Variants in SUGCT observed in about 807,000 individuals in gnomAD.
SUGCT encodes succinyl-CoA:glutarate-CoA transferase.
In SUGCT, 41 loss-of-function variants were observed where a neutral mutation model predicts 55.0. The observed-to-expected ratio is 0.74, with a 90% CI of 0.58 to 0.97. The LOEUF is 0.97. Among genes scored for constraint, SUGCT ranks in the 50% least tolerant of loss-of-function variants. The pLI is 0.00. For missense variants in SUGCT, 568 were observed against 547.8 expected (o/e 1.04, Z -0.37); for synonymous variants, 187 against 200.4 (o/e 0.93, Z 0.56).
At chr7:40,139,223 A>T (rs996324445) in intron 1 of SUGCT, among the ~76,000 whole-genome samples, 3 of 152,080 alleles carry the variant, frequency 2.0e-5, no homozygotes, top group Non-Finnish European at 4.4e-5. Context: ...TTTGTGACAA[A>T]GTCTTGTTCT....
the SUGCT span, among the ~76,000 whole-genome samples, chr7:41,029,673 G>A: frequency 2.0e-5 from 3 of 152,058 alleles, no homozygotes; most frequent in South Asian, 2.1e-4. Context: ...TACCTTCCCC[G>A]TCCTCTCCCC....
chr7:41,003,222 A>T, the SUGCT span, among the ~76,000 whole-genome samples: 1 of 152,166 alleles, frequency 6.6e-6, no homozygotes, highest in Non-Finnish European at 1.5e-5. Context: ...CTGTGTTGCC[A>T]TGGGAGACCA....
At chr7:40,198,368 A>G (rs1340586510) in intron 6 of SUGCT, among the ~76,000 whole-genome samples, 1 of 152,174 alleles carries the variant, frequency 6.6e-6, no homozygotes, top group Non-Finnish European at 1.5e-5. Flanking sequence ...TAATTAGGTG[A>G]CACTGAACAG....
the SUGCT span, among the ~76,000 whole-genome samples, chr7:40,881,331 A>G: frequency 3.3e-5 from 5 of 152,184 alleles, no homozygotes; most frequent in Admixed American, 2.6e-4. Context: ...TTAAAGTGGG[A>G]AGAATTCCTC....
chr7:40,859,982 C>T (rs150555942), intron 13 of SUGCT, among the ~76,000 whole-genome samples: 2 of 152,296 alleles, frequency 1.3e-5, no homozygotes, highest in Non-Finnish European at 2.9e-5. Flanking sequence ...TTCTTTCCTA[C>T]CTAGAGTTCA....
At chr7:40,596,741 C>T (rs1012546708) in intron 12 of SUGCT, among the ~76,000 whole-genome samples, 18 of 152,144 alleles carry the variant, frequency 1.2e-4, no homozygotes, top group African/African-American at 2.2e-4. Flanking sequence ...CTCTTGTATT[C>T]GTTGCCTTCC....
intron 7 of SUGCT, among the ~76,000 whole-genome samples, chr7:40,249,335 ATATATATATAT>A (rs1790177792): frequency 8.1e-6 from 1 of 124,110 alleles, no homozygotes; most frequent in African/African-American, 3.0e-5. Flanking sequence ...ATATATATAT[ATATATATATAT>A]AATTATATTA....
chr7:40,251,777 C>G (rs1270273488), intron 7 of SUGCT, among the ~76,000 whole-genome samples: 7 of 152,038 alleles, frequency 4.6e-5, no homozygotes, highest in Non-Finnish European at 8.8e-5. Context: ...GGCCTTTCTT[C>G]CCCTCAGTAT....
At chr7:40,573,879 T>G (rs918145440) in intron 12 of SUGCT, among the ~76,000 whole-genome samples, 4 of 152,228 alleles carry the variant, frequency 2.6e-5, no homozygotes, top group Non-Finnish European at 5.9e-5. Flanking sequence ...GAGAGCCTTA[T>G]TCATGTTTCT....
intron 6 of SUGCT, among the ~76,000 whole-genome samples, chr7:40,205,774 A>G (rs1472799493): frequency 1.3e-5 from 2 of 152,054 alleles, no homozygotes; most frequent in Non-Finnish European, 2.9e-5. Flanking sequence ...GTCTACTTCA[A>G]TTCCCAGATA....
At chr7:40,680,488 C>T (rs186904794) in intron 12 of SUGCT, among the ~76,000 whole-genome samples, 1 of 152,140 alleles carries the variant, frequency 6.6e-6, no homozygotes, top group African/African-American at 2.4e-5. Flanking sequence ...ATTACACACC[C>T]ACAAAAGAAG....
At chr7:40,532,506 C>T (rs1360910532) in intron 12 of SUGCT, among the ~76,000 whole-genome samples, 1 of 148,236 alleles carries the variant, frequency 6.7e-6, no homozygotes, top group African/African-American at 2.5e-5. Flanking sequence ...AGTCTGACAC[C>T]CTGAACTGAG....
At chr7:40,148,424 C>T (rs1329859637) in intron 1 of SUGCT, among the ~76,000 whole-genome samples, 2 of 152,064 alleles carry the variant, frequency 1.3e-5, no homozygotes, top group Non-Finnish European at 2.9e-5. Flanking sequence ...GTGGGCGGAT[C>T]ACCTGAGGTC....
At chr7:40,346,168 G>A (rs549746877) in intron 9 of SUGCT, among the ~76,000 whole-genome samples, 1 of 152,064 alleles carries the variant, frequency 6.6e-6, no homozygotes, top group South Asian at 2.1e-4. Context: ...TATAGGCCTA[G>A]TGGGTTTTGA....
intron 7 of SUGCT, among the ~76,000 whole-genome samples, chr7:40,247,603 G>C (rs6961299): frequency 0.47 from 70,655 of 151,544 alleles, 17,337 homozygotes; most frequent in African/African-American, 0.64. Context: ...AGTAGCAGCT[G>C]ATTGTGATTT....
intron 12 of SUGCT, among the ~76,000 whole-genome samples, chr7:40,562,433 G>A (rs76789532): frequency 6.6e-6 from 1 of 152,144 alleles, no homozygotes; most frequent in Non-Finnish European, 1.5e-5. Flanking sequence ...TGTGATGGCA[G>A]TTTCTTCAGT....
intron 9 of SUGCT, among the ~76,000 whole-genome samples, chr7:40,359,330 G>A (rs182886738): frequency 2.6e-5 from 4 of 152,028 alleles, no homozygotes; most frequent in African/African-American, 4.8e-5. Context: ...TAAGCCTCCC[G>A]AGTAGCTGGG....
At chr7:40,377,101 A>G (rs1342350129) in intron 9 of SUGCT, among the ~76,000 whole-genome samples, 1 of 117,968 alleles carries the variant, frequency 8.5e-6, no homozygotes, top group African/African-American at 3.1e-5. Context: ...TCTTTTACCA[A>G]ACTTGGAAAG....
chr7:40,214,664 C>T (rs967310651), intron 6 of SUGCT, among the ~76,000 whole-genome samples: 9 of 151,972 alleles, frequency 5.9e-5, no homozygotes, highest in African/African-American at 1.5e-4. Context: ...GCCTGTAATC[C>T]GAGCACTTTG....
Sources: allele counts gnomAD v4.1 joint callset (sites outside exome capture counted in the v4.1 genomes callset), GRCh38; gene constraint gnomAD v4.1.1; transcripts MANE v1.5; gene names NCBI Gene and HGNC (gene_info 2026-07-23, HGNC 2026-07-21).